Variants in MAP3K4 observed in about 807,000 individuals in gnomAD.
MAP3K4 encodes MAP three kinase 1.
Under a neutral mutation model 185.6 loss-of-function variants are expected in MAP3K4, and 67 were observed. The observed-to-expected ratio is 0.36, with a 90% CI of 0.30 to 0.44. The LOEUF is 0.44. MAP3K4 is among the 20% of genes least tolerant of loss of function. The pLI, the probability that MAP3K4 is intolerant of heterozygous loss-of-function variation, is 1.00. For missense variants in MAP3K4, 1,551 were observed against 1,995.1 expected, an observed-to-expected ratio of 0.78 and a Z score of 4.24; for synonymous variants, 702 against 710.4, an observed-to-expected ratio of 0.99 and a Z score of 0.19.
chr6:161,020,556 G>T (rs553984540), intron 1 of MAP3K4, among the ~76,000 whole-genome samples: 6 of 151,816 alleles, frequency 4.0e-5, no homozygotes, highest in African/African-American at 1.2e-4. Context: ...AACTCGGGAG[G>T]CTGAGGCAGG....
intron 18 of MAP3K4, 123 bp downstream of exon 18, chr6:161,102,115 A>G (rs1206042770): frequency 1.4e-5 from 10 of 727,340 alleles, no homozygotes; most frequent in East Asian, 1.4e-4. Context: ...GGTCCTTTCT[A>G]AAGGAATGAA....
chr6:161,049,635 G>T lies in MAP3K4; in HGVS notation c.1363G>T (p.Glu455Ter), dbSNP rs1783907265. ...DDTEGELKEL[E>*]SSTDESEEEQ... ...CACAGAAGGAGAATTAAAGGAGTTGGAAAGTAGTACGGATGAGAGTGAAGA... is the reference window on the plus strand; with the variant it reads ...CACAGAAGGAGAATTAAAGGAGTTGTAAAGTAGTACGGATGAGAGTGAAGA... Residue 455 changes from glutamate (E) to a stop codon, truncating the protein, a stop_gained, in exon 3 of 27, where the codon GAA becomes TAA. Coordinates refer to ENST00000392142, the MANE Select transcript of MAP3K4 (RefSeq NM_005922.4). LOFTEE classifies it high-confidence loss of function. The surrounding 1 kb of genome is among the most constrained non-coding windows in gnomAD (Gnocchi z 8.4). The T allele has an allele frequency of 1.2e-6, 2 of 1,614,026 alleles. No individual in the cohort carries two copies.
At position 161,093,724 on chromosome 6, in the gene MAP3K4, A is replaced by C; in HGVS notation, c.3349-49A>C. On this transcript the variant is annotated intron_variant, in intron 14 of 26. Coordinates refer to ENST00000392142, the MANE Select transcript of MAP3K4 (RefSeq NM_005922.4). This position sits in a 1 kb window ranked among gnomAD's most constrained non-coding sequence, Gnocchi z 5.2. Reference sequence around the variant, plus strand: ...ATTTGTGCTACTTACATAATTAAGAAAGTATGCATGTTTTCTCTTTACCTT... The same window carrying C: ...ATTTGTGCTACTTACATAATTAAGACAGTATGCATGTTTTCTCTTTACCTT... 1 of 1,048,478 alleles carries C rather than the reference A, an allele frequency of 9.5e-7. No individual in the cohort carries two copies. The highest frequency in any genetic ancestry group is 1.5e-6 in the Non-Finnish European group (1 of 680,710). The allele number at this position is 1,048,478 out of a possible 1,614,324, so 64.9% of individuals were successfully genotyped here.
At chr6:160,992,529 C>G (rs538716026) in intron 1 of MAP3K4, among the ~76,000 whole-genome samples, 1 of 152,172 alleles carries the variant, frequency 6.6e-6, no homozygotes, top group Non-Finnish European at 1.5e-5. Context: ...GCTATTTCCC[C>G]GCGTTCTCCT....
chr6:161,036,210 T>C (rs1307635052), intron 2 of MAP3K4, among the ~76,000 whole-genome samples: 1 of 152,166 alleles, frequency 6.6e-6, no homozygotes, highest in Admixed American at 6.5e-5. Flanking sequence ...TTTATGAAAT[T>C]ATAGAATTTT....
intron 6 of MAP3K4, among the ~76,000 whole-genome samples, chr6:161,083,450 C>T (rs1405423867): frequency 6.6e-6 from 1 of 152,048 alleles, no homozygotes; most frequent in Admixed American, 6.6e-5. Flanking sequence ...GCATTGTTTC[C>T]AATCAGACCC....
chr6:161,005,124 A>G (rs1361198016), intron 1 of MAP3K4, among the ~76,000 whole-genome samples: 1 of 151,984 alleles, frequency 6.6e-6, no homozygotes, highest in Non-Finnish European at 1.5e-5. Flanking sequence ...GACTCAAGAC[A>G]CAAAAGTATA....
chr6:161,076,194 A>C lies in MAP3K4; in HGVS notation c.2097+2582A>C, dbSNP rs1343957619. Among the ~76,000 whole-genome samples, 3 of 152,202 alleles carry C rather than the reference A, an allele frequency of 2.0e-5. No individual in the cohort carries two copies. The highest frequency in any genetic ancestry group is 4.4e-5 in the Non-Finnish European group (3 of 68,034). On this transcript the variant is annotated intron_variant, in intron 5 of 26. Transcript: ENST00000392142. This position sits in a 1 kb window ranked among gnomAD's most constrained non-coding sequence, Gnocchi z 4.2. Reference sequence around the variant, plus strand: ...CCTTAGGCCCAGAAGGCCCACCCAGAGATTAACTAGAGCCTTGATATCTAG... The same window carrying C: ...CCTTAGGCCCAGAAGGCCCACCCAGCGATTAACTAGAGCCTTGATATCTAG...
In MAP3K4 at chr6:161,106,813, A is replaced by AT. The variant is rs1778095960; in HGVS notation, c.4048+109dup. On this transcript the variant is annotated intron_variant, in intron 20 of 26. Transcript: ENST00000392142. The surrounding 1 kb of genome is among the most constrained non-coding windows in gnomAD (Gnocchi z 4.9). ...GAGTTGGCCCTTTTTTCTTGTAGAC[A>AT]TAGCAAGTATGCATTGTTATCTTTT... The AT allele has an allele frequency of 4.8e-6, 4 of 830,406 alleles. No individual in the cohort carries two copies. The highest frequency in any genetic ancestry group is 7.0e-6 in the Non-Finnish European group (4 of 569,698). 51.4% of individuals were successfully genotyped at this position (830,406 alleles called of 1,614,324 possible).
chr6:161,034,488 T>C lies in MAP3K4; in HGVS notation c.343+39T>C. 2.3e-5 allele frequency: 31 copies of C among 1,371,570 alleles called. No homozygotes were observed. The highest frequency in any genetic ancestry group is 3.2e-5 in the Non-Finnish European group (31 of 978,100). The allele number at this position is 1,371,570 out of a possible 1,614,324, so 85.0% of individuals were successfully genotyped here. A position where few individuals can be genotyped will look rare whatever the true frequency, so the allele number is the denominator to read the frequency against. ...TTGAAAAGAGGTGTACATGAGAGGG[T>C]ATGGCACTTGATTGATTCTTTCAAC... On this transcript the variant is annotated intron_variant, in intron 2 of 26. Transcript: ENST00000392142. The surrounding 1 kb of genome is among the most constrained non-coding windows in gnomAD (Gnocchi z 4.4).
In MAP3K4 at chr6:161,106,665, G is replaced by A. The variant is rs767636859; in HGVS notation, c.4008G>A (p.Leu1336=). 17 of 1,611,806 alleles carry A rather than the reference G, an allele frequency of 1.1e-5. No individual in the cohort carries two copies. Among genetic ancestry groups the A allele is most frequent in the Non-Finnish European group, 1.4e-5 (17 of 1,179,104 alleles). ...KSYDNVMHVG[L]RKVTFKWQRG... ...ATGATAATGTTATGCACGTTGGCTT[G>A]AGGAAGGTGACCTTCAAATGGCAAA... is the stretch of plus-strand genomic sequence containing the variant. The change falls in exon 20 of 27, where the codon TTG becomes TTA. Residue 1336 remains leucine, a synonymous_variant. Transcript: ENST00000392142. The surrounding 1 kb of genome is among the most constrained non-coding windows in gnomAD (Gnocchi z 4.9).
Position 161,077,824 on chromosome 6 carries a change from G to C in MAP3K4, c.2098-3057G>C, listed in dbSNP as rs1785251932. Among the ~76,000 whole-genome samples the C allele has an allele frequency of 6.6e-6, 1 of 152,136 alleles. No homozygotes were observed. Among genetic ancestry groups the C allele is most frequent in the Admixed American group, 6.5e-5 (1 of 15,280 alleles). On this transcript the variant is annotated intron_variant, in intron 5 of 26. Transcript: ENST00000392142. The surrounding 1 kb of genome is among the most constrained non-coding windows in gnomAD (Gnocchi z 4.3). Reference sequence around the variant, plus strand: ...GTTTTAAATTGGGCTGAGGGCATTTGAAAGCCCTCAGGCTTGACTTTGCAA... The same window carrying C: ...GTTTTAAATTGGGCTGAGGGCATTTCAAAGCCCTCAGGCTTGACTTTGCAA...
chr6:161,004,145 A>G (rs1781463656), intron 1 of MAP3K4, among the ~76,000 whole-genome samples: 1 of 152,122 alleles, frequency 6.6e-6, no homozygotes, highest in South Asian at 2.1e-4. Context: ...ATGAAACATC[A>G]TAGGTAAGTA....
At position 161,086,599 on chromosome 6, in the gene MAP3K4, G is replaced by T; in HGVS notation, c.2488G>T (p.Ala830Ser). 6.2e-7 allele frequency: 1 copy of T among 1,614,020 alleles called. No homozygotes were observed. The highest frequency in any genetic ancestry group is 8.5e-7 in the Non-Finnish European group (1 of 1,179,958). ...GTGATCCTAGGACCTGGAAATAGCA[G>T]CAGAATTCAGGCTTTCAGCCCCAGT... ...KMLRKDLEIA[A>S]EFRLSAPVRD... Residue 830 changes from alanine to serine, a missense_variant, in exon 9 of 27, where the codon GCA becomes TCA. Ala to Ser is a moderately conservative substitution (Grantham distance 99). Around this residue, in one of 16 missense-constraint regions of MAP3K4, gnomAD observed 261 missense variants for 306.5 expected, o/e 0.85. Coordinates refer to ENST00000392142, the MANE Select transcript of MAP3K4 (RefSeq NM_005922.4). This position sits in a 1 kb window ranked among gnomAD's most constrained non-coding sequence, Gnocchi z 4.8.
At chr6:160,997,613 A>T (rs1781065153) in intron 1 of MAP3K4, among the ~76,000 whole-genome samples, 1 of 152,186 alleles carries the variant, frequency 6.6e-6, no homozygotes, top group African/African-American at 2.4e-5. Context: ...CAGACTATGA[A>T]ACAGAATTTG....
intron 1 of MAP3K4, among the ~76,000 whole-genome samples, chr6:160,999,914 GT>G (rs1781188375): frequency 6.6e-6 from 1 of 152,102 alleles, no homozygotes; most frequent in Non-Finnish European, 1.5e-5. Flanking sequence ...CATCCACAAC[GT>G]TTTTCCCCCG....
chr6:161,092,308 C>T (rs576741952), intron 13 of MAP3K4, among the ~76,000 whole-genome samples, 165 bp downstream of exon 13: 9 of 151,974 alleles, frequency 5.9e-5, no homozygotes, highest in East Asian at 3.9e-4. Context: ...GAGAAAACTG[C>T]GTAACTCTTG....
At chr6:161,019,948 A>G (rs1317422701) in intron 1 of MAP3K4, among the ~76,000 whole-genome samples, 1 of 152,208 alleles carries the variant, frequency 6.6e-6, no homozygotes, top group Non-Finnish European at 1.5e-5. Context: ...AAAGGTGGAA[A>G]ATTATTTTAT....
rs189613585 is a variant in MAP3K4, at chr6:161,114,160, G to A, written c.4627-963G>A. ...AAATTCCATGTGGTAGGGCTGCTCCGGAGACATTTCCAATCTCTATCAAAA... is the reference window on the plus strand; with the variant it reads ...AAATTCCATGTGGTAGGGCTGCTCCAGAGACATTTCCAATCTCTATCAAAA... On this transcript the variant is annotated intron_variant, in intron 25 of 26. Transcript: ENST00000392142. The surrounding 1 kb of genome is among the most constrained non-coding windows in gnomAD (Gnocchi z 4.3). 3.6e-3 allele frequency among the ~76,000 whole-genome samples: 545 copies of A among 152,216 alleles called. 8 individuals are homozygous for A. Among genetic ancestry groups the A allele is most frequent in the South Asian group, 0.018 (86 of 4,816 alleles).
Sources: allele counts gnomAD v4.1 joint callset (sites outside exome capture counted in the v4.1 genomes callset), GRCh38; gene constraint gnomAD v4.1.1; regional missense constraint gnomAD v4.1.1; non-coding constraint Gnocchi (gnomAD v3.1); transcripts MANE v1.5; gene names NCBI Gene and HGNC (gene_info 2026-07-23, HGNC 2026-07-21).